The following ARPC2 variants were observed in gnomAD, a reference collection of about 807,000 sequenced individuals.
ARPC2 encodes actin-related protein 2/3 complex subunit 2.
In ARPC2, 4 loss-of-function variants were observed where a neutral mutation model predicts 38.6. The observed-to-expected ratio is 0.10, with a 90% CI of 0.05 to 0.24. The LOEUF is 0.24. Ranked by LOEUF, ARPC2 falls within the 10% of genes least tolerant of loss-of-function variation. The probability of loss-of-function intolerance (pLI) is 1.00; values close to 1 mark genes in which losing one functional copy is unlikely to be tolerated. For missense variants in ARPC2, 229 were observed against 387.3 expected (o/e 0.59, Z 3.43); for synonymous variants, 125 against 140.8 (o/e 0.89, Z 0.79).
chr2:218,239,436 A>G lies in ARPC2; in HGVS notation c.501A>G (p.Thr167=). The change falls in exon 7 of 11, where the codon ACA becomes ACG. Residue 167 remains threonine, a synonymous_variant. Transcript: ENST00000315717. ...ACAGAGTCACAGTAGTCTTCAGCAC[A>G]GTGTTTAAGGATGACGACGATGTGG... ...KKDRVTVVFS[T]VFKDDDDVVI... 3 of 1,614,168 alleles carry G rather than the reference A, an allele frequency of 1.9e-6. No homozygotes were observed. Among genetic ancestry groups the G allele is most frequent in the Non-Finnish European group, 2.5e-6 (3 of 1,180,008 alleles).
At chr2:218,228,663 A>G in intron 3 of ARPC2, 75 bp from the exon 4 acceptor site, 1 of 872,554 alleles carries the variant, frequency 1.1e-6, no homozygotes, top group Admixed American at 2.1e-5. Flanking sequence ...CTTGTGGCCT[A>G]CGGCAAGGTA....
At chr2:218,247,407 T>C (rs1690066570) in intron 8 of ARPC2, among the ~76,000 whole-genome samples, 1 of 152,254 alleles carries the variant, frequency 6.6e-6, no homozygotes, top group African/African-American at 2.4e-5. Context: ...ACCTCAGTGG[T>C]AAAGGTGAAC....
intron 9 of ARPC2, 63 bp from the exon 10 acceptor site, chr2:218,249,758 A>G: frequency 1.3e-6 from 2 of 1,488,372 alleles, no homozygotes; most frequent in South Asian, 2.4e-5. Flanking sequence ...CTCTGATGAA[A>G]GACAGCAAAG....
intron 7 of ARPC2, among the ~76,000 whole-genome samples, chr2:218,242,184 A>C (rs544972845): frequency 2.6e-5 from 4 of 152,342 alleles, no homozygotes; most frequent in Admixed American, 6.5e-5. Flanking sequence ...AGAAAAAGAC[A>C]GGAAGTGTAT....
chr2:218,254,273 A>G lies in ARPC2; in HGVS notation c.*358A>G, dbSNP rs1304533197. ...ATGCAGTCATAACTTGTTTTCTCCT[A>G]AGTATTTGAGTTCAAAACTCCTGTA... On this transcript the variant is annotated 3_prime_UTR_variant, in exon 11 of 11. Transcript: ENST00000315717. The G allele has an allele frequency of 4.8e-6, 1 of 209,958 alleles. No individual in the cohort carries two copies. Among genetic ancestry groups the G allele is most frequent in the Non-Finnish European group, 9.6e-6 (1 of 103,744 alleles). The allele number at this position is 209,958 out of a possible 1,614,324, so 13.0% of individuals were successfully genotyped here.
At chr2:218,221,586 G>A (rs1689385155) in intron 2 of ARPC2, among the ~76,000 whole-genome samples, 1 of 152,194 alleles carries the variant, frequency 6.6e-6, no homozygotes. Context: ...AACTCCTTAA[G>A]AGCTGGGTCT....
chr2:218,241,497 A>G (rs535455295), intron 7 of ARPC2, among the ~76,000 whole-genome samples: 5 of 152,256 alleles, frequency 3.3e-5, no homozygotes, highest in Non-Finnish European at 4.4e-5. Flanking sequence ...TAAATGCAGT[A>G]GCTCAGAAAT....
At chr2:218,226,102 C>G in intron 3 of ARPC2, 148 bp downstream of exon 3, 1 of 760,436 alleles carries the variant, frequency 1.3e-6, no homozygotes, top group Admixed American at 2.3e-5. Context: ...AAAGAACAGC[C>G]TGGCAAACAT....
chr2:218,219,073 G>A (rs963597580), intron 2 of ARPC2, among the ~76,000 whole-genome samples: 2 of 152,162 alleles, frequency 1.3e-5, no homozygotes, highest in African/African-American at 4.8e-5. Flanking sequence ...TGATCTTAAT[G>A]CATTCTCAGG....
chr2:218,245,661 C>A, intron 8 of ARPC2, 115 bp downstream of exon 8: 1 of 1,397,984 alleles, frequency 7.2e-7, no homozygotes, highest in Non-Finnish European at 9.8e-7. Flanking sequence ...GCAGGCATAC[C>A]AACTTGTTCC....
intron 5 of ARPC2, 77 bp from the exon 6 acceptor site, chr2:218,238,587 C>A (rs199694077): frequency 2.3e-6 from 2 of 851,464 alleles, no homozygotes; most frequent in South Asian, 3.4e-5. Context: ...AGATAGTATG[C>A]TGCTTTTTTT....
chr2:218,234,675 A>G, intron 5 of ARPC2: 1 of 501,208 alleles, frequency 2.0e-6, no homozygotes, highest in Non-Finnish European at 3.6e-6. Flanking sequence ...CCAGAGGGCC[A>G]CATTTGTTTG....
rs1356774268 is a variant in ARPC2, at chr2:218,217,580, A to T, written c.74+36A>T. 5 of 1,579,176 alleles carry T rather than the reference A, an allele frequency of 3.2e-6. No individual in the cohort carries two copies. The Admixed American group carries it at 8.9e-5, about 28-fold the overall frequency. ...GCCCGGGGCCGGGGGTGGCGGGGGA[A>T]GCAGAGTTGACCCCAGCTAATCCCC... is the stretch of plus-strand genomic sequence containing the variant. On this transcript the variant is annotated intron_variant, in intron 2 of 10. Transcript: ENST00000315717.
intron 4 of ARPC2, chr2:218,234,133 C>T: frequency 2.4e-6 from 1 of 408,974 alleles, no homozygotes; most frequent in Non-Finnish European, 4.4e-6. Flanking sequence ...CGCGCCATTG[C>T]ACTCTGTCCC....
intron 10 of ARPC2, among the ~76,000 whole-genome samples, chr2:218,251,235 G>A (rs2106161324): frequency 6.6e-6 from 1 of 151,932 alleles, no homozygotes; most frequent in Middle Eastern, 3.4e-3. Context: ...TTTTGATACA[G>A]AGTTTCGCTC....
chr2:218,251,903 G>C (rs1690201231), intron 10 of ARPC2, among the ~76,000 whole-genome samples: 1 of 152,180 alleles, frequency 6.6e-6, no homozygotes. Context: ...TGAGCAGTAG[G>C]TGAGGGTTTT....
chr2:218,217,567 G>T, intron 2 of ARPC2, 23 bp downstream of exon 2: 3 of 1,599,414 alleles, frequency 1.9e-6, no homozygotes, highest in South Asian at 1.1e-5. Context: ...CCGGGGCCGG[G>T]GGTGGCGGGG....
In ARPC2 at chr2:218,238,783, C is replaced by A. The variant is rs775360539; in HGVS notation, c.388C>A (p.Gln130Lys). The change falls in exon 6 of 11, where the codon CAA becomes AAA. Residue 130 changes from glutamine (Q) to lysine (K), a missense_variant. Gln to Lys is a moderately conservative substitution (Grantham distance 53). Coordinates refer to ENST00000315717, the MANE Select transcript of ARPC2 (RefSeq NM_152862.3). ...CFASVFEKYF[Q>K]FQEEGKEGEN... ...TGCCTCTGTCTTTGAAAAATACTTC[C>A]AATTCCAAGAAGAGGGCAAGGAAGG... is the stretch of plus-strand genomic sequence containing the variant. 2.4e-5 allele frequency: 39 copies of A among 1,613,632 alleles called. No homozygotes were observed. The highest frequency in any genetic ancestry group is 1.8e-5 in the Non-Finnish European group (21 of 1,179,886).
intron 5 of ARPC2, 65 bp from the exon 6 acceptor site, chr2:218,238,590 CTTTTTTTTT>C: frequency 2.4e-6 from 1 of 425,406 alleles, no homozygotes; most frequent in Middle Eastern, 7.0e-4. Flanking sequence ...TAGTATGCTG[CTTTTTTTTT>C]TTTTTTTTTT....
Sources: gnomAD v4.1 joint callset for allele counts (sites outside exome capture counted in the v4.1 genomes callset) on GRCh38, gnomAD v4.1.1 for gene constraint, MANE v1.5 for transcripts, NCBI Gene and HGNC (gene_info 2026-07-23, HGNC 2026-07-21) for gene names.